DPP6: variants seen among roughly 807,000 people sequenced by gnomAD.
The protein encoded by DPP6 is A-type potassium channel modulatory protein DPP6.
DPP6 carries 69 observed loss-of-function variants against 122.6 expected under a neutral mutation model. The ratio of observed to expected loss-of-function variants is 0.56; its 90% CI spans 0.46 to 0.69. The LOEUF (loss-of-function observed/expected upper bound fraction) is 0.69, where lower values mean the gene tolerates loss of function less well. DPP6 is among the 30% of genes least tolerant of loss of function. DPP6 has a pLI of 0.00. For synonymous variants in DPP6, 418 were observed against 433.1 expected, an observed-to-expected ratio of 0.97 and a Z score of 0.43; for missense variants, 928 against 1,116.9, an observed-to-expected ratio of 0.83 and a Z score of 2.41.
At chr7:153,887,765 T>C in intron 1 of DPP6, 1 of 1,608,624 alleles carries the variant, frequency 6.2e-7, no homozygotes, top group Non-Finnish European at 8.5e-7. Context: ...GCGCGCTGGG[T>C]CGGGGGGACC....
intron 1 of DPP6, among the ~76,000 whole-genome samples, chr7:154,238,807 A>C (rs546782586): frequency 6.6e-6 from 1 of 152,240 alleles, no homozygotes; most frequent in East Asian, 1.9e-4. Context: ...AAATACTACT[A>C]TCCCAGTTTT....
intron 8 of DPP6, among the ~76,000 whole-genome samples, chr7:154,750,321 C>G (rs1448545266): frequency 3.3e-5 from 5 of 152,220 alleles, no homozygotes; most frequent in Non-Finnish European, 5.9e-5. Flanking sequence ...CACAGCCACC[C>G]TGTGTCCTGC....
chr7:154,522,238 T>A (rs1827050413), intron 3 of DPP6, among the ~76,000 whole-genome samples: 1 of 152,088 alleles, frequency 6.6e-6, no homozygotes, highest in Non-Finnish European at 1.5e-5. Context: ...CCTCCCAAAA[T>A]GCTAGGATTA....
the DPP6 span, among the ~76,000 whole-genome samples, chr7:153,802,317 C>T: frequency 3.3e-5 from 5 of 152,196 alleles, no homozygotes; most frequent in African/African-American, 7.2e-5. Context: ...CCAAAACCAG[C>T]GCTCACCTGT....
At chr7:153,839,965 T>C in the DPP6 span, among the ~76,000 whole-genome samples, 5 of 152,224 alleles carry the variant, frequency 3.3e-5, no homozygotes, top group African/African-American at 9.6e-5. Flanking sequence ...TGAAGATGCT[T>C]GTTCCCAAAT....
chr7:154,049,304 T>TTGTG (rs66669803), upstream of DPP6, among the ~76,000 whole-genome samples: 529 of 121,962 alleles, frequency 4.3e-3, 1 homozygote, highest in African/African-American at 0.014. Context: ...TTTTCCTTGT[T>TTGTG]TGTGTGTGTG....
intron 1 of DPP6, among the ~76,000 whole-genome samples, chr7:154,087,532 A>C (rs1804511947): frequency 6.6e-6 from 1 of 152,214 alleles, no homozygotes. Context: ...GGACCTTGGA[A>C]GGACACTTCT....
chr7:154,273,052 G>A (rs1209940986), intron 1 of DPP6, among the ~76,000 whole-genome samples: 2 of 152,120 alleles, frequency 1.3e-5, no homozygotes, highest in Non-Finnish European at 2.9e-5. Flanking sequence ...AATGATTCTG[G>A]GGATATTTAA....
At chr7:154,060,304 T>G (rs1283973303) in intron 1 of DPP6, among the ~76,000 whole-genome samples, 1 of 98,174 alleles carries the variant, frequency 1.0e-5, no homozygotes, top group African/African-American at 4.2e-5. Flanking sequence ...CTTCCCCCCC[T>G]GGCTCTTAGG....
At chr7:154,674,039 C>A (rs1838739729) in intron 7 of DPP6, among the ~76,000 whole-genome samples, 1 of 152,132 alleles carries the variant, frequency 6.6e-6, no homozygotes, top group Non-Finnish European at 1.5e-5. Context: ...CCATACGTGG[C>A]TAATTTTTGT....
chr7:154,193,596 C>T (rs1225976526), intron 1 of DPP6, among the ~76,000 whole-genome samples: 1 of 152,034 alleles, frequency 6.6e-6, no homozygotes, highest in Non-Finnish European at 1.5e-5. Context: ...GAGAGGTCTG[C>T]AGAGAATGGC....
intron 17 of DPP6, among the ~76,000 whole-genome samples, chr7:154,861,775 T>C (rs1217464095): frequency 3.3e-5 from 5 of 152,192 alleles, no homozygotes; most frequent in Non-Finnish European, 7.3e-5. Flanking sequence ...CACACCTGAC[T>C]CATTTCCAGA....
chr7:154,519,458 A>G (rs1199650566), intron 3 of DPP6, among the ~76,000 whole-genome samples: 1 of 152,246 alleles, frequency 6.6e-6, no homozygotes, highest in Non-Finnish European at 1.5e-5. Context: ...CTTCTCAGAA[A>G]GAAACAGTGC....
At chr7:154,003,231 A>G (rs1242325597) in intron 1 of DPP6, among the ~76,000 whole-genome samples, 1 of 152,178 alleles carries the variant, frequency 6.6e-6, no homozygotes, top group African/African-American at 2.4e-5. Context: ...ACTCCTTACG[A>G]AGCAGTCTAG....
chr7:154,076,724 C>T (rs1000904710), intron 1 of DPP6, among the ~76,000 whole-genome samples: 2 of 151,926 alleles, frequency 1.3e-5, no homozygotes, highest in Admixed American at 6.6e-5. Context: ...TTAAGCATGG[C>T]GTGAAACAAA....
At chr7:154,154,686 A>G (rs559464969) in intron 1 of DPP6, among the ~76,000 whole-genome samples, 26 of 152,372 alleles carry the variant, frequency 1.7e-4, no homozygotes, top group African/African-American at 6.0e-4. Context: ...GATGTGATCT[A>G]TGTGATTTCC....
intron 1 of DPP6, among the ~76,000 whole-genome samples, chr7:154,414,942 T>G (rs1816898873): frequency 6.6e-6 from 1 of 152,174 alleles, no homozygotes; most frequent in African/African-American, 2.4e-5. Context: ...GCAGGCCACT[T>G]GTAGCCAGCC....
chr7:154,101,981 C>T (rs1302519902), intron 1 of DPP6, among the ~76,000 whole-genome samples: 1 of 150,894 alleles, frequency 6.6e-6, no homozygotes, highest in Non-Finnish European at 1.5e-5. Context: ...CTTCTTGCTC[C>T]TACCGTCTTA....
the DPP6 span, among the ~76,000 whole-genome samples, chr7:153,810,836 GATA>G: frequency 3.9e-4 from 60 of 152,090 alleles, no homozygotes; most frequent in African/African-American, 1.4e-3. Flanking sequence ...TTAATTTAGT[GATA>G]ATGATAGAAT....
Sources: allele counts gnomAD v4.1 joint callset (sites outside exome capture counted in the v4.1 genomes callset), GRCh38; gene constraint gnomAD v4.1.1; transcripts MANE v1.5; gene names NCBI Gene and HGNC (gene_info 2026-07-23, HGNC 2026-07-21).